The following MTDH variants were observed in gnomAD, a reference collection of about 807,000 sequenced individuals.
MTDH encodes metadherin.
MTDH carries 34 observed loss-of-function variants against 72.7 expected under a neutral mutation model. That is an observed-to-expected ratio of 0.47 (90% CI 0.36 to 0.62). MTDH has a LOEUF of 0.62. Among genes scored for constraint, MTDH ranks in the 20% least tolerant of loss-of-function variants. MTDH has a pLI of 0.00. For synonymous variants in MTDH, 266 were observed against 268.9 expected, an observed-to-expected ratio of 0.99 and a Z score of 0.10; for missense variants, 677 against 699.4, an observed-to-expected ratio of 0.97 and a Z score of 0.36.
Position 97,720,215 on chromosome 8 carries a change from G to T in MTDH, c.1521+1026G>T, listed in dbSNP as rs377721391. Among the ~76,000 whole-genome samples, 33 of 152,222 alleles carry T rather than the reference G, an allele frequency of 2.2e-4. 1 individual carries two copies. The East Asian group carries it at 3.5e-3, about 16-fold the overall frequency. On this transcript the variant is annotated intron_variant, in intron 10 of 11. Coordinates refer to ENST00000336273, the MANE Select transcript of MTDH (RefSeq NM_178812.4). ...CAGGAGAATCACTTGAACCCAGGAG[G>T]CAGAGGTTGCAGTGAGCCAAGATCA...
chr8:97,653,481 C>A (rs927870055), intron 1 of MTDH, among the ~76,000 whole-genome samples: 2 of 152,144 alleles, frequency 1.3e-5, no homozygotes, highest in African/African-American at 4.8e-5. Flanking sequence ...ATTTTGGCTC[C>A]ATTTGTTTGG....
intron 2 of MTDH, among the ~76,000 whole-genome samples, chr8:97,678,956 C>T (rs1407350208): frequency 1.3e-5 from 2 of 152,122 alleles, no homozygotes; most frequent in Non-Finnish European, 2.9e-5. Context: ...TACATCATTG[C>T]ATGATTTGTT....
intron 1 of MTDH, among the ~76,000 whole-genome samples, chr8:97,651,227 T>A (rs1442694046): frequency 1.3e-5 from 2 of 152,218 alleles, no homozygotes; most frequent in Admixed American, 6.5e-5. Flanking sequence ...TTTATGAGTG[T>A]TTCTGTTTAA....
intron 11 of MTDH, among the ~76,000 whole-genome samples, chr8:97,723,526 T>TTG (rs1554583947): frequency 1.4e-5 from 2 of 148,020 alleles, no homozygotes; most frequent in Non-Finnish European, 3.0e-5. Context: ...GGCGGATCAC[T>TTG]AGGTCAGGAG....
intron 2 of MTDH, among the ~76,000 whole-genome samples, chr8:97,681,060 A>G (rs1586236694): frequency 6.6e-6 from 1 of 152,264 alleles, no homozygotes; most frequent in Admixed American, 6.5e-5. Flanking sequence ...ATATGTATTT[A>G]GGGGAAAGGA....
chr8:97,708,206 C>T (rs1047843669), intron 8 of MTDH, among the ~76,000 whole-genome samples: 3 of 149,540 alleles, frequency 2.0e-5, no homozygotes, highest in Non-Finnish European at 2.9e-5. Context: ...CTCAAGTGAT[C>T]CACCTGCCTC....
At chr8:97,647,063 G>T (rs1454642127) in intron 1 of MTDH, among the ~76,000 whole-genome samples, 1 of 152,202 alleles carries the variant, frequency 6.6e-6, no homozygotes, top group South Asian at 2.1e-4. Flanking sequence ...GGGCAAAGAA[G>T]TACAAGCTGC....
intron 6 of MTDH, among the ~76,000 whole-genome samples, chr8:97,693,417 T>G (rs966470782): frequency 5.3e-5 from 8 of 152,278 alleles, no homozygotes; most frequent in African/African-American, 1.7e-4. Context: ...CACTGCAACC[T>G]CCACCTCTCA....
chr8:97,644,978 G>GA, intron 1 of MTDH, 91 bp downstream of exon 1: 1 of 1,400,478 alleles, frequency 7.1e-7, no homozygotes, highest in Non-Finnish European at 9.4e-7. Context: ...AGCCGGGAAG[G>GA]AAAAGAGTGC....
chr8:97,662,578 G>T (rs1417944719), intron 2 of MTDH, among the ~76,000 whole-genome samples: 1 of 151,578 alleles, frequency 6.6e-6, no homozygotes, highest in Non-Finnish European at 1.5e-5. Context: ...CTGAGGTCAG[G>T]AATTCGAGAC....
intron 5 of MTDH, among the ~76,000 whole-genome samples, chr8:97,689,331 A>G (rs1813490456): frequency 6.6e-6 from 1 of 152,168 alleles, no homozygotes; most frequent in Non-Finnish European, 1.5e-5. Flanking sequence ...TTTCCCCCAT[A>G]TATAAAAACA....
At chr8:97,660,316 C>T (rs988001409) in intron 1 of MTDH, among the ~76,000 whole-genome samples, 1 of 152,054 alleles carries the variant, frequency 6.6e-6, no homozygotes, top group Non-Finnish European at 1.5e-5. Flanking sequence ...GGCAATGGGT[C>T]GGAAAGCTTC....
intron 2 of MTDH, among the ~76,000 whole-genome samples, chr8:97,661,801 G>A (rs1456985572): frequency 6.6e-6 from 1 of 151,914 alleles, no homozygotes; most frequent in Non-Finnish European, 1.5e-5. Flanking sequence ...AAATTAGCCA[G>A]GTGTGGTGGT....
At chr8:97,659,257 G>A (rs998225327) in intron 1 of MTDH, among the ~76,000 whole-genome samples, 2 of 151,926 alleles carry the variant, frequency 1.3e-5, no homozygotes, top group South Asian at 2.1e-4. Context: ...CTTTACCCAC[G>A]TACTACCTCC....
intron 2 of MTDH, among the ~76,000 whole-genome samples, chr8:97,669,199 A>G (rs1327517527): frequency 6.6e-6 from 1 of 152,142 alleles, no homozygotes; most frequent in East Asian, 1.9e-4. Context: ...CTCAAGCTGG[A>G]GTACAGTGGC....
At chr8:97,662,191 C>G (rs1358450883) in intron 2 of MTDH, among the ~76,000 whole-genome samples, 2 of 151,046 alleles carry the variant, frequency 1.3e-5, no homozygotes, top group African/African-American at 4.8e-5. Context: ...AATTACCCTC[C>G]CTTTCCTTTT....
chr8:97,691,261 GA>G (rs965507514), intron 6 of MTDH, 73 bp downstream of exon 6: 89 of 1,086,760 alleles, frequency 8.2e-5, no homozygotes, highest in Middle Eastern at 2.5e-4. Context: ...TTCAGAAATA[GA>G]AAAAAAAACT....
chr8:97,706,774 G>GT, intron 8 of MTDH, 24 bp downstream of exon 8: 1 of 1,602,878 alleles, frequency 6.2e-7, no homozygotes, highest in Non-Finnish European at 8.5e-7. Flanking sequence ...ATTCCTGGGT[G>GT]TTTATTTGTT....
chr8:97,652,222 C>T (rs1468954534), intron 1 of MTDH, among the ~76,000 whole-genome samples: 1 of 152,168 alleles, frequency 6.6e-6, no homozygotes, highest in Admixed American at 6.5e-5. Flanking sequence ...TTCCATGGCC[C>T]GTATGGCCCA....
Sources: gnomAD v4.1 joint callset for allele counts (sites outside exome capture counted in the v4.1 genomes callset) on GRCh38, gnomAD v4.1.1 for gene constraint, MANE v1.5 for transcripts, NCBI Gene and HGNC (gene_info 2026-07-23, HGNC 2026-07-21) for gene names.